CADPS2: variants seen among roughly 807,000 people sequenced by gnomAD.
CADPS2 encodes the protein calcium dependent secretion activator 2.
A neutral mutation model predicts 172.5 loss-of-function variants in CADPS2; 93 were observed. The observed-to-expected ratio is 0.54, with a 90% CI of 0.46 to 0.64. The LOEUF is 0.64. Among genes scored for constraint, CADPS2 ranks in the 30% least tolerant of loss-of-function variants. The probability of loss-of-function intolerance (pLI) is 0.00; values close to 1 mark genes in which losing one functional copy is unlikely to be tolerated. For synonymous variants in CADPS2, 546 were observed against 555.2 expected (o/e 0.98, Z 0.23); for missense variants, 1,420 against 1,565.9 (o/e 0.91, Z 1.57).
chr7:122,710,788 T>G (rs2088573669), intron 2 of CADPS2, among the ~76,000 whole-genome samples: 1 of 152,158 alleles, frequency 6.6e-6, no homozygotes, highest in Admixed American at 6.6e-5. Flanking sequence ...GGCAGTCATT[T>G]AATTTTGCCT....
At chr7:122,359,339 C>G (rs181450856) in intron 27 of CADPS2, among the ~76,000 whole-genome samples, 1 of 152,094 alleles carries the variant, frequency 6.6e-6, no homozygotes, top group African/African-American at 2.4e-5. Flanking sequence ...CATCCTGTAA[C>G]CACTGAAATA....
intron 17 of CADPS2, among the ~76,000 whole-genome samples, chr7:122,424,907 G>A (rs2048960139): frequency 6.6e-6 from 1 of 151,134 alleles, no homozygotes; most frequent in Non-Finnish European, 1.5e-5. Flanking sequence ...ATATAACTGT[G>A]TTATAGGATT....
intron 2 of CADPS2, among the ~76,000 whole-genome samples, chr7:122,709,633 A>G (rs1193009369): frequency 6.6e-6 from 1 of 152,048 alleles, no homozygotes; most frequent in Non-Finnish European, 1.5e-5. Flanking sequence ...CACTATTCAC[A>G]ATAGCAAAGA....
chr7:122,805,031 T>G (rs1399382246), intron 1 of CADPS2, among the ~76,000 whole-genome samples: 2 of 152,234 alleles, frequency 1.3e-5, no homozygotes, highest in Non-Finnish European at 2.9e-5. Flanking sequence ...TAATTGTGTA[T>G]GTATCTTGTG....
intron 14 of CADPS2, among the ~76,000 whole-genome samples, chr7:122,461,430 T>C (rs1292340727): frequency 6.6e-6 from 1 of 152,062 alleles, no homozygotes; most frequent in Non-Finnish European, 1.5e-5. Flanking sequence ...TTCATATATG[T>C]CCCAATCACA....
intron 12 of CADPS2, among the ~76,000 whole-genome samples, chr7:122,474,915 A>C (rs1392411656): frequency 6.6e-6 from 1 of 152,186 alleles, no homozygotes; most frequent in Non-Finnish European, 1.5e-5. Flanking sequence ...CAAATGGCAA[A>C]CTAGGGCAGA....
At chr7:122,849,532 C>T (rs376038466) in intron 1 of CADPS2, among the ~76,000 whole-genome samples, 1 of 152,068 alleles carries the variant, frequency 6.6e-6, no homozygotes. Context: ...CCCAGCTGTC[C>T]GCAACATCTT....
intron 7 of CADPS2, among the ~76,000 whole-genome samples, chr7:122,568,475 A>G (rs555204290): frequency 6.3e-4 from 96 of 152,282 alleles, no homozygotes; most frequent in South Asian, 1.0e-3. Flanking sequence ...AGATATTTCA[A>G]TACCTAATAG....
intron 1 of CADPS2, among the ~76,000 whole-genome samples, chr7:122,864,029 CA>C (rs1315079623): frequency 6.6e-6 from 1 of 151,058 alleles, no homozygotes; most frequent in African/African-American, 2.4e-5. Context: ...GATTCCGTCT[CA>C]AAAAAAATAA....
Position 122,581,175 on chromosome 7 carries a change from T to G in CADPS2, c.1335+4A>C. ...CCTGGACACACAGGCTGACCACAAC[T>G]CACCCTTCCCAGTTCTTTATCTTCC... On this transcript the variant is annotated splice_donor_region_variant and intron_variant, in intron 7 of 29. Transcript: ENST00000449022. 6.2e-7 allele frequency: 1 copy of G among 1,611,084 alleles called. No homozygotes were observed. Among genetic ancestry groups the G allele is most frequent in the Non-Finnish European group, 8.5e-7 (1 of 1,177,512 alleles).
chr7:122,831,055 A>G (rs1406218718), intron 1 of CADPS2, among the ~76,000 whole-genome samples: 2 of 152,204 alleles, frequency 1.3e-5, no homozygotes, highest in African/African-American at 4.8e-5. Flanking sequence ...CTATTAGGCT[A>G]CTGAAAGAGA....
At chr7:122,420,339 C>A (rs1415460434) in intron 17 of CADPS2, among the ~76,000 whole-genome samples, 1 of 152,126 alleles carries the variant, frequency 6.6e-6, no homozygotes, top group Non-Finnish European at 1.5e-5. Flanking sequence ...TCTGAGAGTA[C>A]CCTGTGTTCT....
chr7:122,708,809 A>C (rs2088117408), intron 2 of CADPS2, among the ~76,000 whole-genome samples: 1 of 151,868 alleles, frequency 6.6e-6, no homozygotes, highest in Non-Finnish European at 1.5e-5. Flanking sequence ...TGGTAATCAG[A>C]GTAGGAACTC....
At chr7:122,529,216 A>T (rs1318919890) in intron 8 of CADPS2, among the ~76,000 whole-genome samples, 1 of 151,738 alleles carries the variant, frequency 6.6e-6, no homozygotes, top group Non-Finnish European at 1.5e-5. Flanking sequence ...ACAGGAAATC[A>T]GTACCTTCCC....
chr7:122,649,355 C>T (rs62482254), intron 3 of CADPS2, among the ~76,000 whole-genome samples: 3 of 152,146 alleles, frequency 2.0e-5, no homozygotes, highest in Non-Finnish European at 4.4e-5. Context: ...TTCCCACACT[C>T]CCAAACCAGC....
chr7:122,428,678 A>G (rs973836284), intron 17 of CADPS2, among the ~76,000 whole-genome samples: 6 of 152,050 alleles, frequency 3.9e-5, no homozygotes, highest in Non-Finnish European at 7.4e-5. Context: ...CATGTTGGTC[A>G]GGCTGGTCTC....
Position 122,874,108 on chromosome 7 carries a change from T to C in CADPS2, c.339+11891A>G, listed in dbSNP as rs143470916. Among the ~76,000 whole-genome samples the C allele has an allele frequency of 7.2e-3, 1,096 of 152,280 alleles. 19 individuals carry two copies. Among genetic ancestry groups the C allele is most frequent in the East Asian group, 0.055 (287 of 5,176 alleles). ...CAAAATTTTTCTCCCATTCTGTAGG[T>C]TGCCTGTTCACTCTGATGATAGTTT... is the stretch of plus-strand genomic sequence containing the variant. On this transcript the variant is annotated intron_variant, in intron 1 of 29. Transcript: ENST00000449022.
intron 28 of CADPS2, chr7:122,330,882 G>A (rs896605699): frequency 3.3e-5 from 5 of 152,170 alleles, no homozygotes; most frequent in East Asian, 1.9e-4. Context: ...AGTCTGTTAC[G>A]CACCTTCTCT....
At chr7:122,697,612 A>C (rs1045073931) in intron 2 of CADPS2, 9 of 546,070 alleles carry the variant, frequency 1.6e-5, no homozygotes, top group African/African-American at 1.1e-4. Flanking sequence ...AAAATTGCAC[A>C]AAAAAAATCC....
Sources: gnomAD v4.1 joint callset for allele counts (sites outside exome capture counted in the v4.1 genomes callset) on GRCh38, gnomAD v4.1.1 for gene constraint, MANE v1.5 for transcripts, NCBI Gene and HGNC (gene_info 2026-07-23, HGNC 2026-07-21) for gene names.